CRIM1: variants seen among roughly 807,000 people sequenced by gnomAD.
CRIM1 encodes cysteine rich transmembrane BMP regulator 1.
CRIM1 carries 32 observed loss-of-function variants against 116.4 expected under a neutral mutation model. The ratio of observed to expected loss-of-function variants is 0.27; its 90% CI spans 0.21 to 0.37. The LOEUF (loss-of-function observed/expected upper bound fraction) is 0.37. CRIM1 is among the 10% of genes least tolerant of loss of function. The pLI is 1.00. For synonymous variants in CRIM1, 590 were observed against 509.2 expected (o/e 1.16, Z -2.13); for missense variants, 1,331 against 1,354.8 (o/e 0.98, Z 0.28).
intron 4 of CRIM1, among the ~76,000 whole-genome samples, chr2:36,458,450 T>A (rs1677315199): frequency 6.6e-6 from 1 of 152,220 alleles, no homozygotes; most frequent in Non-Finnish European, 1.5e-5. Context: ...AACAAACTGT[T>A]GACCCTTGCG....
intron 7 of CRIM1, among the ~76,000 whole-genome samples, chr2:36,484,064 G>T (rs1334189219): frequency 6.6e-6 from 1 of 152,220 alleles, no homozygotes; most frequent in African/African-American, 2.4e-5. Flanking sequence ...TGGGCACTCA[G>T]CTCTGGGCTC....
chr2:36,393,060 G>C (rs969804551), intron 1 of CRIM1, among the ~76,000 whole-genome samples: 2 of 152,204 alleles, frequency 1.3e-5, no homozygotes, highest in East Asian at 3.9e-4. Context: ...TTCCAGATTT[G>C]AGGGAAATGG....
chr2:36,449,712 G>A (rs974651043), intron 4 of CRIM1, among the ~76,000 whole-genome samples: 13 of 152,126 alleles, frequency 8.5e-5, no homozygotes, highest in East Asian at 5.8e-4. Context: ...AGCCGCTAGC[G>A]ACAGGAGACT....
At chr2:36,365,298 C>T (rs1219303441) in intron 1 of CRIM1, among the ~76,000 whole-genome samples, 1 of 152,178 alleles carries the variant, frequency 6.6e-6, no homozygotes, top group Non-Finnish European at 1.5e-5. Flanking sequence ...ATATTAATGG[C>T]ATATGGTTTT....
At position 36,450,251 on chromosome 2, in the gene CRIM1, G is replaced by A. The variant is rs77274114; in HGVS notation, c.869+7516G>A. 7.7e-4 allele frequency among the ~76,000 whole-genome samples: 117 copies of A among 152,274 alleles called. 1 individual carries two copies. In the East Asian group the frequency reaches 0.019, roughly 25 times the overall value. On this transcript the variant is annotated intron_variant, in intron 4 of 16. Coordinates refer to ENST00000280527, the MANE Select transcript of CRIM1 (RefSeq NM_016441.3). ...TCCTGGTGCCCACACAGGCTCACCT[G>A]TGTGAAACTGCATCAGCCCATACAT...
At chr2:36,504,938 A>T (rs1681283221) in intron 8 of CRIM1, among the ~76,000 whole-genome samples, 2 of 152,206 alleles carry the variant, frequency 1.3e-5, no homozygotes, top group Non-Finnish European at 2.9e-5. Context: ...TGTAGACATT[A>T]ATAGTGCTTT....
In CRIM1 at chr2:36,441,285, G is replaced by T. The variant is rs138252009; in HGVS notation, c.533G>T (p.Arg178Leu). 37 of 1,614,176 alleles carry T rather than the reference G, an allele frequency of 2.3e-5. No individual in the cohort carries two copies. The highest frequency in any genetic ancestry group is 3.1e-5 in the Non-Finnish European group (36 of 1,180,030). The part of the protein sequence containing the change: ...EEEKPDCSKA[R>L]CEVQFSPRCP... ...GAGAAGCCAGATTGCTCCAAGGCCC[G>T]CTGTGAAGTCCAGTTCTCTCCACGT... The change falls in exon 3 of 17, where the codon CGC becomes CTC. Residue 178 changes from arginine to leucine, a missense_variant. Transcript: ENST00000280527.
At chr2:36,488,524 A>G (rs1384082043) in intron 7 of CRIM1, among the ~76,000 whole-genome samples, 1 of 152,246 alleles carries the variant, frequency 6.6e-6, no homozygotes, top group African/African-American at 2.4e-5. Flanking sequence ...GCTTTGAGCA[A>G]TACGGGACAT....
chr2:36,405,613 G>C (rs1349291288), intron 2 of CRIM1, among the ~76,000 whole-genome samples: 1 of 152,174 alleles, frequency 6.6e-6, no homozygotes, highest in East Asian at 1.9e-4. Flanking sequence ...AGTTTGAGTA[G>C]AAAAGTTATA....
intron 8 of CRIM1, among the ~76,000 whole-genome samples, chr2:36,506,758 C>T (rs751822236): frequency 7.9e-5 from 12 of 152,064 alleles, no homozygotes; most frequent in African/African-American, 1.4e-4. Flanking sequence ...CCTTTTTCTG[C>T]GTGGTTGCCT....
chr2:36,496,979 G>A (rs550785105), intron 7 of CRIM1, among the ~76,000 whole-genome samples: 1 of 152,248 alleles, frequency 6.6e-6, no homozygotes, highest in South Asian at 2.1e-4. Context: ...AAAGTTGGAC[G>A]ATGGATTCTC....
intron 1 of CRIM1, among the ~76,000 whole-genome samples, chr2:36,372,932 A>G (rs533323424): frequency 6.6e-6 from 1 of 152,262 alleles, no homozygotes; most frequent in Non-Finnish European, 1.5e-5. Context: ...AAGCAAGGTT[A>G]TTTTTTGAGG....
At chr2:36,374,206 A>G (rs969639918) in intron 1 of CRIM1, among the ~76,000 whole-genome samples, 3 of 152,234 alleles carry the variant, frequency 2.0e-5, no homozygotes, top group Non-Finnish European at 2.9e-5. Context: ...GCCTCGTGAA[A>G]GGAGACCGAA....
At chr2:36,388,535 G>T (rs1362433029) in intron 1 of CRIM1, among the ~76,000 whole-genome samples, 1 of 152,146 alleles carries the variant, frequency 6.6e-6, no homozygotes, top group Non-Finnish European at 1.5e-5. Context: ...TGTCCTTTTT[G>T]TAATTAAAAA....
intron 13 of CRIM1, among the ~76,000 whole-genome samples, chr2:36,524,321 G>A (rs77702956): frequency 6.6e-6 from 1 of 152,300 alleles, no homozygotes; most frequent in African/African-American, 2.4e-5. Context: ...CAAAATTCAC[G>A]CAACAAAATG....
intron 7 of CRIM1, among the ~76,000 whole-genome samples, chr2:36,494,999 G>T (rs543966521): frequency 2.0e-5 from 3 of 152,188 alleles, no homozygotes; most frequent in Middle Eastern, 3.4e-3. Flanking sequence ...GGAAATCTAA[G>T]AACATTTCTC....
rs577385286 is a variant in CRIM1, at chr2:36,446,692, T to G, written c.869+3957T>G. 5.9e-5 allele frequency among the ~76,000 whole-genome samples: 9 copies of G among 152,352 alleles called. No homozygotes were observed. The East Asian group carries it at 1.7e-3, about 29-fold the overall frequency. On this transcript the variant is annotated intron_variant, in intron 4 of 16. Transcript: ENST00000280527. ...GCATCCCGCCGTTTCTTTTTATCCT[T>G]TTTTCTTCTGTTGGCATGAAGACAT...
chr2:36,544,569 A>C (rs1382387297), intron 15 of CRIM1, 71 bp downstream of exon 15: 37 of 1,298,714 alleles, frequency 2.8e-5, no homozygotes, highest in Non-Finnish European at 3.5e-5. Flanking sequence ...TAATTTTTAA[A>C]ATTTCCTATG....
At chr2:36,364,377 A>T (rs1462555394) in intron 1 of CRIM1, among the ~76,000 whole-genome samples, 1 of 152,230 alleles carries the variant, frequency 6.6e-6, no homozygotes, top group Non-Finnish European at 1.5e-5. Flanking sequence ...AATAAATAAG[A>T]TATGGTCCTT....
Sources: gnomAD v4.1 joint callset for allele counts (sites outside exome capture counted in the v4.1 genomes callset) on GRCh38, gnomAD v4.1.1 for gene constraint, MANE v1.5 for transcripts, NCBI Gene and HGNC (gene_info 2026-07-23, HGNC 2026-07-21) for gene names.